The following KDM1A variants were observed in gnomAD, a reference collection of about 807,000 sequenced individuals.
KDM1A encodes lysine-specific histone demethylase 1A.
Under a neutral mutation model 109.4 loss-of-function variants are expected in KDM1A, and 49 were observed. That is an observed-to-expected ratio of 0.45 (90% CI 0.36 to 0.57). The LOEUF (loss-of-function observed/expected upper bound fraction) is 0.57, where lower values mean the gene tolerates loss of function less well. KDM1A is among the 20% of genes least tolerant of loss of function. KDM1A has a pLI of 0.00. For synonymous variants in KDM1A, 380 were observed against 415.4 expected, an observed-to-expected ratio of 0.91 and a Z score of 1.04; for missense variants, 668 against 1,116.6, an observed-to-expected ratio of 0.60 and a Z score of 5.73.
At chr1:23,076,776 A>C (rs991917435) in intron 15 of KDM1A, among the ~76,000 whole-genome samples, 1 of 151,902 alleles carries the variant, frequency 6.6e-6, no homozygotes, top group Non-Finnish European at 1.5e-5. Flanking sequence ...AGCCTAGCCA[A>C]CGTGGTGAAA....
At chr1:23,044,574 C>T in intron 3 of KDM1A, 88 bp downstream of exon 3, 3 of 1,134,324 alleles carry the variant, frequency 2.6e-6, no homozygotes, top group Non-Finnish European at 3.7e-6. Context: ...CTGTGGTATC[C>T]ACATTTTAGC....
At chr1:23,076,430 T>C (rs1643467844) in intron 15 of KDM1A, among the ~76,000 whole-genome samples, 1 of 152,178 alleles carries the variant, frequency 6.6e-6, no homozygotes. Flanking sequence ...GTTTTGGAAA[T>C]CTTCCTCAAC....
At chr1:23,059,363 A>G (rs751844458) in intron 9 of KDM1A, 196 bp downstream of exon 9, 2 of 667,888 alleles carry the variant, frequency 3.0e-6, no homozygotes, top group South Asian at 2.8e-5. Flanking sequence ...ATTATTGTAT[A>G]TATACACATT....
At chr1:23,065,319 AT>A (rs1356071865) in intron 9 of KDM1A, among the ~76,000 whole-genome samples, 3 of 152,270 alleles carry the variant, frequency 2.0e-5, no homozygotes, top group Admixed American at 2.0e-4. Flanking sequence ...TATTGTCTGG[AT>A]ATGTCAAATA....
chr1:23,039,361 C>G (rs931111331), intron 2 of KDM1A, among the ~76,000 whole-genome samples: 1 of 152,150 alleles, frequency 6.6e-6, no homozygotes, highest in Non-Finnish European at 1.5e-5. Context: ...TTACTGTCAC[C>G]TTTTTCTAGT....
rs372356224 is a variant in KDM1A, at chr1:23,078,976, C to T, written c.1868-14C>T. 2.6e-4 allele frequency: 418 copies of T among 1,608,554 alleles called. No individual in the cohort carries two copies. Among genetic ancestry groups the T allele is most frequent in the Non-Finnish European group, 3.5e-4 (415 of 1,176,104 alleles). On this transcript the variant is annotated splice_polypyrimidine_tract_variant and intron_variant, in intron 16 of 20. Coordinates refer to ENST00000400181, the MANE Select transcript of KDM1A (RefSeq NM_001009999.3). Reference sequence around the variant, plus strand: ...ATTCATCACCACTAGTCTTTTCCCACCCAACCTCTGCAGGATGTGAAGTGA... The same window carrying T: ...ATTCATCACCACTAGTCTTTTCCCATCCAACCTCTGCAGGATGTGAAGTGA...
rs115749603 is a variant in KDM1A, at chr1:23,070,094, G to C, written c.1413+943G>C. On this transcript the variant is annotated intron_variant, in intron 12 of 20. Coordinates refer to ENST00000400181, the MANE Select transcript of KDM1A (RefSeq NM_001009999.3). ...TGCCAAGTGGCCAGGATACCTGTAG[G>C]GTGGCCCAGTCTCAGGCTTTGTCAC... Among the ~76,000 whole-genome samples the C allele has an allele frequency of 8.7e-3, 1,324 of 152,344 alleles. 14 individuals carry two copies. The highest frequency in any genetic ancestry group is 0.014 in the Non-Finnish European group (962 of 68,028).
chr1:23,077,667 A>G (rs1643504899), intron 16 of KDM1A, among the ~76,000 whole-genome samples: 1 of 152,184 alleles, frequency 6.6e-6, no homozygotes. Flanking sequence ...ATTTCCTTTG[A>G]GCACCATGTC....
chr1:23,027,385 G>A (rs1173440675), intron 1 of KDM1A, among the ~76,000 whole-genome samples: 1 of 149,076 alleles, frequency 6.7e-6, no homozygotes, highest in Non-Finnish European at 1.5e-5. Context: ...GACAAATTGT[G>A]CAAAAGGTAG....
chr1:23,066,191 G>T (rs938792869), intron 10 of KDM1A, 120 bp downstream of exon 10: 10 of 727,106 alleles, frequency 1.4e-5, no homozygotes, highest in Non-Finnish European at 2.3e-5. Flanking sequence ...ACACTGGTTT[G>T]TTGTTGTAGA....
intron 12 of KDM1A, among the ~76,000 whole-genome samples, 196 bp from the exon 13 acceptor site, chr1:23,071,029 G>A (rs1643303877): frequency 6.6e-6 from 1 of 152,078 alleles, no homozygotes; most frequent in Non-Finnish European, 1.5e-5. Flanking sequence ...TTTATGTCAA[G>A]CCCTATAAGA....
chr1:23,065,407 A>G (rs1182445185), intron 9 of KDM1A, among the ~76,000 whole-genome samples: 2 of 152,216 alleles, frequency 1.3e-5, no homozygotes, highest in Non-Finnish European at 2.9e-5. Context: ...GTTTTCTCCC[A>G]GTCAGTATTG....
At chr1:23,060,157 A>G (rs773507558) in intron 9 of KDM1A, among the ~76,000 whole-genome samples, 1 of 152,216 alleles carries the variant, frequency 6.6e-6, no homozygotes, top group Non-Finnish European at 1.5e-5. Flanking sequence ...GAGCAGAATG[A>G]GAGAGAAAGG....
intron 1 of KDM1A, among the ~76,000 whole-genome samples, chr1:23,029,504 C>T (rs1641911276): frequency 6.6e-6 from 1 of 152,168 alleles, no homozygotes; most frequent in African/African-American, 2.4e-5. Context: ...CTCCTTTACC[C>T]TCAATGACAC....
chr1:23,082,103 C>T (rs922335859), intron 19 of KDM1A, 117 bp from the exon 20 acceptor site: 3 of 1,058,860 alleles, frequency 2.8e-6, no homozygotes, highest in African/African-American at 3.2e-5. Flanking sequence ...CTGGCTCTCA[C>T]ATGTTGCCCC....
intron 20 of KDM1A, 64 bp downstream of exon 20, chr1:23,082,430 A>ATTTT: frequency 6.5e-6 from 7 of 1,082,980 alleles, no homozygotes; most frequent in South Asian, 2.6e-5. Context: ...GATGTCCCTG[A>ATTTT]TTTTTTTTTT....
Position 23,019,791 on chromosome 1 carries a change from T to A in KDM1A, c.195T>A (p.Pro65=). The change falls in exon 1 of 21, where the codon CCT becomes CCA. Residue 65 remains proline (P), a synonymous_variant. Coordinates refer to ENST00000400181, the MANE Select transcript of KDM1A (RefSeq NM_001009999.3). ...VGERTPRKKE[P]PRASPPGGLA... ...AGCGCACACCCCGCAAGAAAGAGCCTCCGCGGGCCTCGCCCCCCGGGGGCC... is the reference window on the plus strand; with the variant it reads ...AGCGCACACCCCGCAAGAAAGAGCCACCGCGGGCCTCGCCCCCCGGGGGCC... 2 of 1,381,316 alleles carry A rather than the reference T, an allele frequency of 1.4e-6. No homozygotes were observed. The highest frequency in any genetic ancestry group is 1.9e-6 in the Non-Finnish European group (2 of 1,066,452). The allele number at this position is 1,381,316 out of a possible 1,614,324, so 85.6% of individuals were successfully genotyped here. A position where few individuals can be genotyped will look rare whatever the true frequency, so the allele number is the denominator to read the frequency against.
At chr1:23,028,519 A>T (rs1156414249) in intron 1 of KDM1A, among the ~76,000 whole-genome samples, 1 of 152,226 alleles carries the variant, frequency 6.6e-6, no homozygotes, top group Admixed American at 6.5e-5. Context: ...CAAAATTTGC[A>T]CATTGTCCAG....
At chr1:23,070,546 C>T (rs983430184) in intron 12 of KDM1A, among the ~76,000 whole-genome samples, 4 of 151,936 alleles carry the variant, frequency 2.6e-5, no homozygotes, top group East Asian at 1.9e-4. Context: ...TGGTGGCTCA[C>T]GCCTGTAATC....
Sources: gnomAD v4.1 joint callset for allele counts (sites outside exome capture counted in the v4.1 genomes callset) on GRCh38, gnomAD v4.1.1 for gene constraint, MANE v1.5 for transcripts, NCBI Gene and HGNC (gene_info 2026-07-23, HGNC 2026-07-21) for gene names.